The following COBL variants were observed in gnomAD, a reference collection of about 807,000 sequenced individuals.
The protein encoded by COBL is protein cordon-bleu.
Under a neutral mutation model 98.8 loss-of-function variants are expected in COBL, and 51 were observed. The ratio of observed to expected loss-of-function variants is 0.52; its 90% CI spans 0.41 to 0.65. The LOEUF is 0.65. Ranked by LOEUF, COBL falls within the 30% of genes least tolerant of loss-of-function variation. COBL has a pLI of 0.00. For synonymous variants in COBL, 634 were observed against 651.7 expected, an observed-to-expected ratio of 0.97 and a Z score of 0.41; for missense variants, 1,617 against 1,617.5, an observed-to-expected ratio of 1.00 and a Z score of 0.01.
intron 2 of COBL, among the ~76,000 whole-genome samples, chr7:51,218,623 A>G (rs543683597): frequency 6.6e-6 from 1 of 152,036 alleles, no homozygotes; most frequent in East Asian, 1.9e-4. Flanking sequence ...ACAGGCATGC[A>G]CCTCTATGCC....
chr7:51,260,142 A>T, intron 1 of COBL: 1 of 1,371,688 alleles, frequency 7.3e-7, no homozygotes, highest in Non-Finnish European at 1.0e-6. Flanking sequence ...AACCAAAGGG[A>T]TTTTTCTTTG....
intron 7 of COBL, among the ~76,000 whole-genome samples, chr7:51,047,496 C>G (rs1381489409): frequency 1.3e-5 from 2 of 152,202 alleles, no homozygotes; most frequent in East Asian, 1.9e-4. Flanking sequence ...AAAGATAATT[C>G]CATCACTAAA....
intron 7 of COBL, among the ~76,000 whole-genome samples, chr7:51,074,869 T>C (rs981152131): frequency 2.6e-5 from 4 of 152,238 alleles, no homozygotes; most frequent in Non-Finnish European, 5.9e-5. Context: ...AAAGGATAAG[T>C]AGCACAAAAT....
chr7:51,018,951 T>TATATA (rs1786637323), intron 12 of COBL, among the ~76,000 whole-genome samples: 1 of 113,716 alleles, frequency 8.8e-6, no homozygotes, highest in African/African-American at 3.0e-5. Context: ...TATATATATA[T>TATATA]ATGATTTTTT....
chr7:51,026,665 T>C lies in COBL; in HGVS notation c.3385A>G (p.Thr1129Ala), dbSNP rs1787602849. 6.2e-7 allele frequency: 1 copy of C among 1,613,008 alleles called. No individual in the cohort carries two copies. Among genetic ancestry groups the C allele is most frequent in the African/African-American group, 1.3e-5 (1 of 74,880 alleles). Residue 1129 changes from threonine (T) to alanine (A), a missense_variant and splice_region_variant, in exon 11 of 13, where the codon ACG becomes GCG. Around this residue, in one of 3 missense-constraint regions of COBL, gnomAD observed 1,304 missense variants for 1,282.0 expected, o/e 1.02. Coordinates refer to ENST00000265136, the MANE Select transcript of COBL (RefSeq NM_015198.5). ...CTGCCCTCCCCGGTGTGTTCTGCCG[T>C]CTAGAATATTAACAGTGTCACACAT... ...SAGGKDRLRKTAEHTGEGRPA... is the reference protein window; with the variant it reads ...SAGGKDRLRKAAEHTGEGRPA...
chr7:51,254,583 A>T (rs1797034558), intron 1 of COBL, among the ~76,000 whole-genome samples: 2 of 151,948 alleles, frequency 1.3e-5, no homozygotes, highest in Non-Finnish European at 1.5e-5. Flanking sequence ...CCATTTTTCC[A>T]TCCTCTTTGA....
Position 51,041,720 on chromosome 7 carries a change from G to A in COBL, c.1406+1663C>T, listed in dbSNP as rs184400076. Among the ~76,000 whole-genome samples, 494 of 152,046 alleles carry A rather than the reference G, an allele frequency of 3.2e-3. 13 individuals are homozygous for A. In the South Asian group the frequency reaches 0.042, roughly 13 times the overall value. ...GCAGGTCTTGAACTCCTGACCTCAG[G>A]TGATCCGCCCACCTGAGCCTCCCAA... On this transcript the variant is annotated intron_variant, in intron 8 of 12. Coordinates refer to ENST00000265136, the MANE Select transcript of COBL (RefSeq NM_015198.5).
At chr7:51,256,386 G>A (rs1176114052) in intron 1 of COBL, among the ~76,000 whole-genome samples, 1 of 152,168 alleles carries the variant, frequency 6.6e-6, no homozygotes, top group Non-Finnish European at 1.5e-5. Context: ...GACTCCCAGG[G>A]CCACAAGCAA....
chr7:51,309,561 T>C (rs748283429), intron 1 of COBL, among the ~76,000 whole-genome samples: 5 of 152,164 alleles, frequency 3.3e-5, no homozygotes, highest in African/African-American at 4.8e-5. Flanking sequence ...TGCCAGTTGA[T>C]CGGTCTGTTC....
At chr7:51,271,522 A>G (rs1271156299) in intron 1 of COBL, among the ~76,000 whole-genome samples, 1 of 152,238 alleles carries the variant, frequency 6.6e-6, no homozygotes, top group African/African-American at 2.4e-5. Context: ...ATGGGTGCAC[A>G]GAGAAAGCGT....
chr7:51,093,983 A>G (rs1795053994), intron 6 of COBL, among the ~76,000 whole-genome samples: 2 of 150,146 alleles, frequency 1.3e-5, no homozygotes, highest in African/African-American at 4.9e-5. Flanking sequence ...TTTTATATAC[A>G]TATATATATA....
intron 6 of COBL, among the ~76,000 whole-genome samples, chr7:51,101,356 C>T (rs1201518638): frequency 6.6e-6 from 1 of 152,206 alleles, no homozygotes. Context: ...TAAACATTTA[C>T]TCAGGGTGTT....
rs191538868 is a variant in COBL at position 51,284,253 on chromosome 7, A to G, written c.41+32340T>C. On this transcript the variant is annotated intron_variant, in intron 1 of 12. Coordinates refer to ENST00000265136, the MANE Select transcript of COBL (RefSeq NM_015198.5). ...GAGGCAGAGCTTGCAGTGAGCAGAG[A>G]TTGCGCCACTGCACTCCAGCCTGGG... Among the ~76,000 whole-genome samples the G allele has an allele frequency of 2.7e-3, 408 of 151,200 alleles. 1 individual carries two copies. Among genetic ancestry groups the G allele is most frequent in the Middle Eastern group, 0.017 (5 of 286 alleles).
chr7:51,144,660 CCA>C lies in COBL; in HGVS notation c.784-8331_784-8330del, dbSNP rs1784857761. 3.9e-5 allele frequency among the ~76,000 whole-genome samples: 6 copies of C among 152,128 alleles called. 1 individual carries two copies. In the South Asian group the frequency reaches 1.2e-3, roughly 32 times the overall value. Reference sequence around the variant, plus strand: ...CTAGTTTCAGAATGTTTTCATCATCCCAAAAGGAGACCTTGTACCCATTAAGC... The same window carrying C: ...CTAGTTTCAGAATGTTTTCATCATCCAAAGGAGACCTTGTACCCATTAAGC... On this transcript the variant is annotated intron_variant, in intron 5 of 12. Transcript: ENST00000265136.
intron 5 of COBL, among the ~76,000 whole-genome samples, chr7:51,140,550 T>C (rs1268230580): frequency 2.0e-5 from 3 of 152,154 alleles, no homozygotes; most frequent in Non-Finnish European, 4.4e-5. Flanking sequence ...GGTGTGTGTG[T>C]GCGTATATAT....
intron 2 of COBL, among the ~76,000 whole-genome samples, chr7:51,209,064 A>AC (rs934272927): frequency 7.3e-6 from 1 of 137,260 alleles, no homozygotes; most frequent in African/African-American, 2.7e-5. Context: ...AAAAAAAAAA[A>AC]AAAAAAAACA....
At chr7:51,255,793 G>A (rs543484762) in intron 1 of COBL, among the ~76,000 whole-genome samples, 1 of 152,298 alleles carries the variant, frequency 6.6e-6, no homozygotes, top group East Asian at 1.9e-4. Flanking sequence ...CATCAAGGTG[G>A]TGTGCCGATG....
At chr7:51,200,283 C>T (rs1193361392) in intron 2 of COBL, among the ~76,000 whole-genome samples, 3 of 152,158 alleles carry the variant, frequency 2.0e-5, no homozygotes, top group African/African-American at 7.2e-5. Context: ...AGATGATAAA[C>T]AGCATCATGA....
chr7:51,278,107 C>T (rs1400644682), intron 1 of COBL, among the ~76,000 whole-genome samples: 1 of 152,164 alleles, frequency 6.6e-6, no homozygotes, highest in Non-Finnish European at 1.5e-5. Context: ...AGTGGCCAGC[C>T]TTGAGTGCCA....
Sources: allele counts gnomAD v4.1 joint callset (sites outside exome capture counted in the v4.1 genomes callset), GRCh38; gene constraint gnomAD v4.1.1; regional missense constraint gnomAD v4.1.1; transcripts MANE v1.5; gene names NCBI Gene and HGNC (gene_info 2026-07-23, HGNC 2026-07-21).